Variants in PRDM2 observed in about 807,000 individuals in gnomAD.
PRDM2 encodes PR domain zinc finger protein 2.
In PRDM2, 30 loss-of-function variants were observed where a neutral mutation model predicts 130.0. The ratio of observed to expected loss-of-function variants is 0.23; its 90% CI spans 0.17 to 0.31. The LOEUF (loss-of-function observed/expected upper bound fraction) is 0.31. Among genes scored for constraint, PRDM2 ranks in the 10% least tolerant of loss-of-function variants. The pLI is 1.00. For synonymous variants in PRDM2, 871 were observed against 782.4 expected (o/e 1.11, Z -1.89); for missense variants, 2,011 against 2,108.4 (o/e 0.95, Z 0.90).
At position 13,742,002 on chromosome 1, in the gene PRDM2, A is replaced by G. The variant is rs780967741; in HGVS notation, c.232-3A>G. On this transcript the variant is annotated splice_polypyrimidine_tract_variant and splice_region_variant and intron_variant, in intron 4 of 9. Transcript: ENST00000311066. Reference sequence around the variant, plus strand: ...AAGTTTTTTACTTTTCTCCATTTTCAAGGTGTATTACCCAAATTTGGGATG... The same window carrying G: ...AAGTTTTTTACTTTTCTCCATTTTCGAGGTGTATTACCCAAATTTGGGATG... The G allele has an allele frequency of 1.3e-6, 2 of 1,532,500 alleles. No homozygotes were observed. Among genetic ancestry groups the G allele is most frequent in the Non-Finnish European group, 1.8e-6 (2 of 1,114,244 alleles). 94.9% of individuals were successfully genotyped at this position (1,532,500 alleles called of 1,614,324 possible). A position where few individuals can be genotyped will look rare whatever the true frequency, so the allele number is the denominator to read the frequency against.
At chr1:13,703,175 A>G (rs144726610) in intron 1 of PRDM2, among the ~76,000 whole-genome samples, 50 of 152,354 alleles carry the variant, frequency 3.3e-4, no homozygotes, top group African/African-American at 1.1e-3. Context: ...ACTGAAAACA[A>G]TACTTAGCTT....
chr1:13,711,615 C>T (rs1476364959), intron 1 of PRDM2, among the ~76,000 whole-genome samples: 1 of 152,194 alleles, frequency 6.6e-6, no homozygotes, highest in Non-Finnish European at 1.5e-5. Context: ...CCAGGTCTTA[C>T]TTCTTTTCCT....
chr1:13,768,404 A>G (rs1644283660), intron 6 of PRDM2, among the ~76,000 whole-genome samples: 1 of 127,472 alleles, frequency 7.8e-6, no homozygotes. Context: ...TTTAAGATGG[A>G]GTTTTGCCCT....
At chr1:13,810,094 A>G (rs1311043995) in intron 8 of PRDM2, among the ~76,000 whole-genome samples, 2 of 152,134 alleles carry the variant, frequency 1.3e-5, no homozygotes, top group Non-Finnish European at 2.9e-5. Context: ...TCTAAATACA[A>G]TCACATTGGG....
chr1:13,739,670 A>G (rs2100499933), intron 4 of PRDM2, among the ~76,000 whole-genome samples: 2 of 152,278 alleles, frequency 1.3e-5, no homozygotes, highest in Middle Eastern at 6.8e-3. Context: ...TTCTGTGAAC[A>G]TTTTTGTATA....
chr1:13,726,289 C>T (rs149447779), intron 2 of PRDM2, among the ~76,000 whole-genome samples: 3 of 152,336 alleles, frequency 2.0e-5, no homozygotes, highest in African/African-American at 7.2e-5. Flanking sequence ...AAGCTCCTCA[C>T]CCCGTCCAGC....
chr1:13,792,935 C>G (rs938178914), intron 8 of PRDM2, among the ~76,000 whole-genome samples: 7 of 152,248 alleles, frequency 4.6e-5, no homozygotes, highest in African/African-American at 1.7e-4. Flanking sequence ...GTGGAGACCC[C>G]AAACCCAGCC....
Position 13,782,072 on chromosome 1 carries a change from A to G in PRDM2, c.4277A>G (p.Asn1426Ser), listed in dbSNP as rs376088409. 17 of 1,614,138 alleles carry G rather than the reference A, an allele frequency of 1.1e-5. No homozygotes were observed. The highest frequency in any genetic ancestry group is 1.4e-5 in the Non-Finnish European group (17 of 1,180,026). ...KLKLNALKKK[N>S]QLVQKAILQK... is the part of the protein sequence containing the mutation. ...AAATTAAATGCATTGAAGAAAAAAA[A>G]TCAGCTAGTACAGAAAGCAATTCTT... Residue 1426 changes from asparagine (N) to serine (S), a missense_variant, in exon 8 of 10, where the codon AAT becomes AGT. Transcript: ENST00000311066.
At chr1:13,787,411 C>T in intron 8 of PRDM2, 1 of 984,178 alleles carries the variant, frequency 1.0e-6, no homozygotes, top group Non-Finnish European at 1.2e-6. Context: ...ACATTTTATG[C>T]CTCCCCCTAA....
chr1:13,701,653 C>T (rs886755185), intron 1 of PRDM2, among the ~76,000 whole-genome samples: 3 of 152,096 alleles, frequency 2.0e-5, no homozygotes, highest in Admixed American at 6.5e-5. Flanking sequence ...CTTGAGATGA[C>T]CTTTAAAGAT....
rs1050172048 is a variant in PRDM2 at position 13,771,912 on chromosome 1, A to G, written c.512-1166A>G. 2 of 152,164 alleles carry G rather than the reference A, an allele frequency of 1.3e-5. No individual in the cohort carries two copies. The highest frequency in any genetic ancestry group is 1.9e-4 in the East Asian group (1 of 5,202). The allele number at this position is 152,164 out of a possible 1,614,324, so 9.4% of individuals were successfully genotyped here. On this transcript the variant is annotated intron_variant, in intron 6 of 9. Transcript: ENST00000311066. This position sits in a 1 kb window ranked among gnomAD's most constrained non-coding sequence, Gnocchi z 4.1. ...TCTACTTTTAATCTAGATGTTTTCA[A>G]TGATGCTATTTTATGTCTCTGACCT...
In PRDM2 at chr1:13,779,754, A is replaced by C; in HGVS notation, c.1959A>C (p.Glu653Asp). 3.1e-6 allele frequency: 5 copies of C among 1,614,204 alleles called. No individual in the cohort carries two copies. The highest frequency in any genetic ancestry group is 4.2e-6 in the Non-Finnish European group (5 of 1,180,036). Residue 653 changes from glutamate (E) to aspartate (D), a missense_variant, in exon 8 of 10, where the codon GAA becomes GAC. Glu to Asp is a conservative substitution (Grantham distance 45). Coordinates refer to ENST00000311066, the MANE Select transcript of PRDM2 (RefSeq NM_001393986.1). The surrounding 1 kb of genome is among the most constrained non-coding windows in gnomAD (Gnocchi z 4.9). ...CTGCACTGCCCAAAATTAAGGCCGA[A>C]ACAGACTCTGACCCCATGGTCCCCT... ...SPPALPKIKA[E>D]TDSDPMVPSC...
At chr1:13,701,163 C>T (rs1569635120) in intron 1 of PRDM2, among the ~76,000 whole-genome samples, 1 of 152,130 alleles carries the variant, frequency 6.6e-6, no homozygotes. Flanking sequence ...ACAGAAATTT[C>T]GTGCTGGCCC....
At chr1:13,730,952 T>G in intron 2 of PRDM2, 48 bp from the exon 3 acceptor site, 2 of 1,353,590 alleles carry the variant, frequency 1.5e-6, no homozygotes, top group Non-Finnish European at 2.0e-6. Context: ...AACCCATGAT[T>G]TGAGTTTTCT....
chr1:13,721,036 G>A (rs1642710709), intron 2 of PRDM2, among the ~76,000 whole-genome samples: 1 of 151,950 alleles, frequency 6.6e-6, no homozygotes, highest in Non-Finnish European at 1.5e-5. Context: ...CCTGCCCAAG[G>A]TCACTACTGA....
In PRDM2 at chr1:13,781,012, C is replaced by T. The variant is rs760779550; in HGVS notation, c.3217C>T (p.Pro1073Ser). 6.2e-7 allele frequency: 1 copy of T among 1,603,706 alleles called. No individual in the cohort carries two copies. Among genetic ancestry groups the T allele is most frequent in the Non-Finnish European group, 8.5e-7 (1 of 1,170,610 alleles). The change falls in exon 8 of 10, where the codon CCT becomes TCT. Residue 1073 changes from proline to serine, a missense_variant. Transcript: ENST00000311066. The surrounding 1 kb of genome is among the most constrained non-coding windows in gnomAD (Gnocchi z 6.1). ...SFSSSSSSSS[P>S]SPPPLSAISS... is the part of the protein sequence containing the mutation. ...TTCTTCTTCATCTTCCTCCTCTTCT[C>T]CTTCTCCACCTCCTCTCTCCGCAAT...
intron 8 of PRDM2, among the ~76,000 whole-genome samples, chr1:13,812,027 C>T (rs1645181037): frequency 6.6e-6 from 1 of 152,148 alleles, no homozygotes; most frequent in Non-Finnish European, 1.5e-5. Context: ...AGCAGGTGCA[C>T]AGCACTCTGT....
chr1:13,745,010 C>T (rs1470886824), intron 5 of PRDM2, among the ~76,000 whole-genome samples: 1 of 152,116 alleles, frequency 6.6e-6, no homozygotes, highest in Non-Finnish European at 1.5e-5. Flanking sequence ...TTTAAAATTC[C>T]TGAAAGTTAG....
intron 8 of PRDM2, among the ~76,000 whole-genome samples, chr1:13,812,167 C>T (rs1478981979): frequency 6.6e-6 from 1 of 151,836 alleles, no homozygotes; most frequent in African/African-American, 2.4e-5. Flanking sequence ...GGGGAGGGTG[C>T]AGCGTCGAAG....
Sources: allele counts gnomAD v4.1 joint callset (sites outside exome capture counted in the v4.1 genomes callset), GRCh38; gene constraint gnomAD v4.1.1; non-coding constraint Gnocchi (gnomAD v3.1); transcripts MANE v1.5; gene names NCBI Gene and HGNC (gene_info 2026-07-23, HGNC 2026-07-21).